Variants in HVCN1 observed in about 807,000 individuals in gnomAD.
The protein encoded by HVCN1 is voltage-gated hydrogen channel 1.
HVCN1 carries 14 observed loss-of-function variants against 29.2 expected under a neutral mutation model. The observed-to-expected ratio is 0.48, with a 90% CI of 0.32 to 0.75. The LOEUF is 0.75. Among genes scored for constraint, HVCN1 ranks in the 30% least tolerant of loss-of-function variants. The pLI is 0.04. For missense variants in HVCN1, 263 were observed against 341.8 expected (o/e 0.77, Z 1.82); for synonymous variants, 131 against 133.2 (o/e 0.98, Z 0.11).
At chr12:110,673,135 C>T (rs573296248) in intron 3 of HVCN1, among the ~76,000 whole-genome samples, 2 of 152,136 alleles carry the variant, frequency 1.3e-5, no homozygotes, top group Non-Finnish European at 2.9e-5. Context: ...TGACTTTGCC[C>T]AGAATGCTGA....
At chr12:110,662,656 G>C (rs544280840) in intron 3 of HVCN1, among the ~76,000 whole-genome samples, 1 of 152,198 alleles carries the variant, frequency 6.6e-6, no homozygotes, top group Non-Finnish European at 1.5e-5. Flanking sequence ...AGTGAGCCAA[G>C]ATCATGCCAC....
At chr12:110,691,355 G>A (rs1169691077), upstream of HVCN1, among the ~76,000 whole-genome samples, 1 of 152,214 alleles carries the variant, frequency 6.6e-6, no homozygotes, top group Non-Finnish European at 1.5e-5. Flanking sequence ...GAGCCACCGC[G>A]TCTGGCCAGA....
chr12:110,704,951 T>C (rs1041548415), upstream of HVCN1: 1 of 152,234 alleles, frequency 6.6e-6, no homozygotes, highest in Non-Finnish European at 1.5e-5. Context: ...GGAAAGAAGC[T>C]TGTTACAAAG....
At chr12:110,701,606 C>A (rs998231572) in intron 2 of HVCN1, among the ~76,000 whole-genome samples, 1 of 152,142 alleles carries the variant, frequency 6.6e-6, no homozygotes, top group African/African-American at 2.4e-5. Context: ...CCTGTAATCC[C>A]AGCACTTTGG....
chr12:110,655,229 C>G lies in HVCN1; in HGVS notation c.411+5G>C. ...TAAGACCCCAGAAGAGCTGTCAACC[C>G]CTACCATGGCAGCATAGTTATTCTT... On this transcript the variant is annotated splice_donor_5th_base_variant and intron_variant, in intron 5 of 7. Transcript: ENST00000242607. The G allele has an allele frequency of 6.2e-7, 1 of 1,605,934 alleles. No homozygotes were observed. Among genetic ancestry groups the G allele is most frequent in the Non-Finnish European group, 8.5e-7 (1 of 1,172,730 alleles).
intron 5 of HVCN1, among the ~76,000 whole-genome samples, chr12:110,651,858 G>A (rs2067824456): frequency 6.6e-6 from 1 of 152,200 alleles, no homozygotes; most frequent in Non-Finnish European, 1.5e-5. Flanking sequence ...TCCATATGGG[G>A]CCCTAAGGAC....
chr12:110,657,508 G>GA (rs529473919), intron 4 of HVCN1, among the ~76,000 whole-genome samples: 17,868 of 87,064 alleles, frequency 0.21, 1,369 homozygotes, highest in African/African-American at 0.34. Context: ...AAAGAAAAAA[G>GA]AAAAAAAAAA....
At chr12:110,700,674 C>T (rs1374606401) in intron 2 of HVCN1, among the ~76,000 whole-genome samples, 1 of 152,046 alleles carries the variant, frequency 6.6e-6, no homozygotes, top group East Asian at 1.9e-4. Flanking sequence ...CTCACTGCAG[C>T]CTTGACCTCC....
intron 2 of HVCN1, among the ~76,000 whole-genome samples, chr12:110,686,996 T>C (rs1035132020): frequency 1.3e-5 from 2 of 152,156 alleles, no homozygotes; most frequent in Non-Finnish European, 2.9e-5. Context: ...CAGTGGGCTC[T>C]TGGGAGGGAT....
intron 3 of HVCN1, among the ~76,000 whole-genome samples, chr12:110,677,511 C>G (rs1236284257): frequency 6.6e-6 from 1 of 152,184 alleles, no homozygotes; most frequent in Non-Finnish European, 1.5e-5. Flanking sequence ...AGCATGACCT[C>G]TGTGCCTGGC....
intron 1 of HVCN1, among the ~76,000 whole-genome samples, chr12:110,702,703 G>A (rs1201144040): frequency 6.6e-6 from 1 of 150,410 alleles, no homozygotes; most frequent in Non-Finnish European, 1.5e-5. Flanking sequence ...TGCCCAGGCT[G>A]GAGTGCAATG....
intron 1 of HVCN1, among the ~76,000 whole-genome samples, chr12:110,702,657 ATT>A (rs753012773): frequency 8.7e-5 from 8 of 92,344 alleles, no homozygotes; most frequent in Admixed American, 1.1e-4. Context: ...TAATTTTTGT[ATT>A]TTTTTTTTTT....
intron 5 of HVCN1, among the ~76,000 whole-genome samples, chr12:110,651,754 G>T (rs2067820753): frequency 6.6e-6 from 1 of 152,230 alleles, no homozygotes; most frequent in African/African-American, 2.4e-5. Flanking sequence ...AGCACTGTTT[G>T]CAGAACAAAT....
intron 3 of HVCN1, among the ~76,000 whole-genome samples, chr12:110,675,916 A>G (rs1004392777): frequency 6.6e-6 from 1 of 152,256 alleles, no homozygotes; most frequent in Non-Finnish European, 1.5e-5. Flanking sequence ...CTCAATAATA[A>G]TAATAATAAA....
At chr12:110,692,625 G>A (rs1418172968), upstream of HVCN1, among the ~76,000 whole-genome samples, 1 of 152,172 alleles carries the variant, frequency 6.6e-6, no homozygotes, top group Non-Finnish European at 1.5e-5. Flanking sequence ...TCAGGAGGCT[G>A]AGGTGGGAGA....
chr12:110,658,950 G>C lies in HVCN1; in HGVS notation c.306+2214C>G, dbSNP rs1213647098. Among the ~76,000 whole-genome samples the C allele has an allele frequency of 6.6e-6, 1 of 152,218 alleles. No homozygotes were observed. The highest frequency in any genetic ancestry group is 6.5e-5 in the Admixed American group (1 of 15,286). On this transcript the variant is annotated intron_variant, in intron 4 of 7. Transcript: ENST00000242607. The surrounding 1 kb of genome is among the most constrained non-coding windows in gnomAD (Gnocchi z 5.0). ...TCCCCAGCCCTAAGCCCAGGCAGGA[G>C]GGGGATATCCTGATGGGGCGGCCCA...
In HVCN1 at chr12:110,655,047, A is replaced by G. The variant is rs545773094; in HGVS notation, c.411+187T>C. The stretch of plus-strand genomic sequence containing the variant: ...GCCCAGGATTCCAGCCATCATGTGA[A>G]ACAACGTTTCCTGCTTGTAGTAAAT... On this transcript the variant is annotated intron_variant, in intron 5 of 7. Coordinates refer to ENST00000242607, the MANE Select transcript of HVCN1 (RefSeq NM_032369.4). 2.0e-5 allele frequency among the ~76,000 whole-genome samples: 3 copies of G among 152,154 alleles called. No homozygotes were observed. The East Asian group carries it at 5.8e-4, about 29-fold the overall frequency.
intron 3 of HVCN1, among the ~76,000 whole-genome samples, chr12:110,682,212 T>C (rs2069005240): frequency 6.6e-6 from 1 of 152,138 alleles, no homozygotes; most frequent in Non-Finnish European, 1.5e-5. Context: ...GGTCTCAAAC[T>C]CCTGACTTCA....
At chr12:110,664,756 G>A (rs2068286631) in intron 3 of HVCN1, among the ~76,000 whole-genome samples, 1 of 152,190 alleles carries the variant, frequency 6.6e-6, no homozygotes, top group Non-Finnish European at 1.5e-5. Context: ...GGAAAGGTAT[G>A]CAGAGGAGGA....
Sources: allele counts gnomAD v4.1 joint callset (sites outside exome capture counted in the v4.1 genomes callset), GRCh38; gene constraint gnomAD v4.1.1; non-coding constraint Gnocchi (gnomAD v3.1); transcripts MANE v1.5; gene names NCBI Gene and HGNC (gene_info 2026-07-23, HGNC 2026-07-21).